USP28: variants seen among roughly 807,000 people sequenced by gnomAD.
USP28 encodes ubiquitin carboxyl-terminal hydrolase 28.
Under a neutral mutation model 145.0 loss-of-function variants are expected in USP28, and 113 were observed. The observed-to-expected ratio is 0.78, with a 90% confidence interval of 0.67 to 0.91. The LOEUF is 0.91. Ranked by LOEUF, USP28 falls within the 40% of genes least tolerant of loss-of-function variation. The probability of loss-of-function intolerance (pLI) is 0.00; values close to 1 mark genes in which losing one functional copy is unlikely to be tolerated. For synonymous variants in USP28, 447 were observed against 450.9 expected, an observed-to-expected ratio of 0.99 and a Z score of 0.11; for missense variants, 1,201 against 1,289.6, an observed-to-expected ratio of 0.93 and a Z score of 1.05.
chr11:113,811,262 C>A (rs1387122275), intron 16 of USP28, among the ~76,000 whole-genome samples: 1 of 152,122 alleles, frequency 6.6e-6, no homozygotes, highest in African/African-American at 2.4e-5. Context: ...CTTTTCACAG[C>A]TGTAAGTTCT....
intron 21 of USP28, among the ~76,000 whole-genome samples, chr11:113,804,280 G>A (rs992943519): frequency 1.3e-4 from 20 of 152,178 alleles, no homozygotes; most frequent in African/African-American, 4.8e-4. Flanking sequence ...CAGTAAGTGT[G>A]GTGAATACAC....
chr11:113,845,116 CAA>C (rs554416453), intron 3 of USP28, among the ~76,000 whole-genome samples: 5 of 70,960 alleles, frequency 7.0e-5, no homozygotes, highest in Non-Finnish European at 5.8e-5. Flanking sequence ...AGACCCTTCT[CAA>C]AAAAAAAAAA....
chr11:113,836,983 T>C (rs1433433348), intron 5 of USP28, among the ~76,000 whole-genome samples: 1 of 152,132 alleles, frequency 6.6e-6, no homozygotes, highest in African/African-American at 2.4e-5. Flanking sequence ...TTTATCCCAA[T>C]AGCTGCCTGG....
chr11:113,840,304 T>A (rs1323673634), intron 5 of USP28, among the ~76,000 whole-genome samples: 1 of 149,784 alleles, frequency 6.7e-6, no homozygotes, highest in African/African-American at 2.4e-5. Context: ...TGGATAGCTA[T>A]GATAGCCTTC....
intron 1 of USP28, among the ~76,000 whole-genome samples, chr11:113,865,257 A>T (rs938899584): frequency 2.0e-5 from 3 of 152,166 alleles, no homozygotes; most frequent in African/African-American, 7.2e-5. Context: ...GGTTGCGGGG[A>T]ACTCTAGTGA....
At chr11:113,873,563 T>C (rs1051838654) in intron 1 of USP28, among the ~76,000 whole-genome samples, 1 of 152,232 alleles carries the variant, frequency 6.6e-6, no homozygotes, top group Non-Finnish European at 1.5e-5. Context: ...AATAGGCACA[T>C]GGTCTTAAAT....
At chr11:113,801,667 G>A (rs781457392) in exon 24 of USP28, 2 of 1,575,268 alleles carry the variant, frequency 1.3e-6, no homozygotes, top group South Asian at 2.3e-5. Context: ...AAGCTGCTTT[G>A]GCATTCAGCT....
At chr11:113,845,047 G>A (rs2136271082) in intron 3 of USP28, among the ~76,000 whole-genome samples, 1 of 151,418 alleles carries the variant, frequency 6.6e-6, no homozygotes, top group Middle Eastern at 3.4e-3. Flanking sequence ...TTGAGCCTGG[G>A]AGGTCAAGGC....
rs193036543 is a variant in USP28, at chr11:113,823,822, C to T, written c.1188-122G>A. Reference sequence around the variant, plus strand: ...ATATAGGGCATCTATAAAAAACATACGGCTGACAGCATACTCAAGGTTAAA... The same window carrying T: ...ATATAGGGCATCTATAAAAAACATATGGCTGACAGCATACTCAAGGTTAAA... On this transcript the variant is annotated intron_variant, in intron 11 of 24. Transcript: ENST00000003302. The T allele has an allele frequency of 5.8e-4, 386 of 667,378 alleles. 1 individual carries two copies. The highest frequency in any genetic ancestry group is 5.2e-3 in the African/African-American group (279 of 53,670). The allele number at this position is 667,378 out of a possible 1,614,324, so 41.3% of individuals were successfully genotyped here. A position where few individuals can be genotyped will look rare whatever the true frequency, so the allele number is the denominator to read the frequency against.
At chr11:113,804,741 T>A in exon 21 of USP28, 1 of 1,614,232 alleles carries the variant, frequency 6.2e-7, no homozygotes, top group Non-Finnish European at 8.5e-7. Flanking sequence ...ACCTTCATAA[T>A]GCTGATTGAT....
rs376826095 is a variant in USP28, at chr11:113,804,902, G to A, written c.2545C>T (p.Gln849Ter). The change falls in exon 20 of 25, where the codon CAG (glutamine) becomes TAG (stop). Residue 849 changes from glutamine to a stop codon, truncating the protein, a stop_gained. Transcript: ENST00000003302. LOFTEE classifies it high-confidence loss of function. ...TAGCTAAGATTTTTATCTGCAAACT[G>A]TTCCAGAAGGGTTCGTTCTACTACC... is the stretch of plus-strand genomic sequence containing the variant. 3 of 1,614,146 alleles carry A rather than the reference G, an allele frequency of 1.9e-6. No individual in the cohort carries two copies. Among genetic ancestry groups the A allele is most frequent in the Non-Finnish European group, 2.5e-6 (3 of 1,180,018 alleles).
Position 113,829,181 on chromosome 11 carries a change from A to T in USP28, c.1059+16T>A. ...GGCTTTGTCACTGGCACAGCAAATA[A>T]AGATCTCCAACGTACCTCTTGTCCA... On this transcript the variant is annotated intron_variant, in intron 10 of 24. Coordinates refer to ENST00000003302, the Ensembl canonical transcript of USP28. 3 of 1,609,032 alleles carry T rather than the reference A, an allele frequency of 1.9e-6. No individual in the cohort carries two copies. The highest frequency in any genetic ancestry group is 2.5e-6 in the Non-Finnish European group (3 of 1,178,682).
At chr11:113,820,379 T>C (rs1014852276) in intron 12 of USP28, 1 of 151,704 alleles carries the variant, frequency 6.6e-6, no homozygotes, top group African/African-American at 2.4e-5. Context: ...AAAGCAGAGG[T>C]TGTGTTAGGA....
chr11:113,826,053 GACGGGCAGATCAC>G (rs1338750900), intron 11 of USP28, among the ~76,000 whole-genome samples: 1 of 152,070 alleles, frequency 6.6e-6, no homozygotes, highest in Non-Finnish European at 1.5e-5. Context: ...GGGAGGCAGA[GACGGGCAGATCAC>G]AAGGTCAGGG....
intron 11 of USP28, among the ~76,000 whole-genome samples, chr11:113,826,876 G>A (rs1042795435): frequency 2.7e-5 from 4 of 149,054 alleles, no homozygotes; most frequent in East Asian, 2.0e-4. Context: ...CCGAGATTGC[G>A]CCATTGCACT....
intron 19 of USP28, among the ~76,000 whole-genome samples, chr11:113,805,268 T>TG (rs1284919004): frequency 6.6e-6 from 1 of 151,696 alleles, no homozygotes; most frequent in African/African-American, 2.4e-5. Flanking sequence ...ACTTTTTTTT[T>TG]TTTTTGAGAC....
At chr11:113,798,064 T>TG (rs1323052620) in exon 25 of USP28, 23 of 120,564 alleles carry the variant, frequency 1.9e-4, no homozygotes, top group African/African-American at 2.5e-4. Context: ...ATATGTATGC[T>TG]GGTTTTTTTT....
chr11:113,842,587 A>G (rs1351756633), intron 3 of USP28, among the ~76,000 whole-genome samples: 1 of 146,230 alleles, frequency 6.8e-6, no homozygotes, highest in African/African-American at 2.5e-5. Context: ...TCCGTCTCAG[A>G]AAAAAAAAAA....
intron 19 of USP28, among the ~76,000 whole-genome samples, chr11:113,805,258 ACTT>A (rs1294363088): frequency 1.2e-4 from 6 of 50,714 alleles, no homozygotes; most frequent in African/African-American, 5.5e-4. Flanking sequence ...AACATACTGT[ACTT>A]TTTTTTTTTT....
Sources: gnomAD v4.1 joint callset for allele counts (sites outside exome capture counted in the v4.1 genomes callset) on GRCh38, gnomAD v4.1.1 for gene constraint, MANE v1.5 for transcripts, NCBI Gene and HGNC (gene_info 2026-07-23, HGNC 2026-07-21) for gene names.